The following PRDM16 variants were observed in gnomAD, a reference collection of about 807,000 sequenced individuals.
PRDM16 encodes the protein PR/SET domain 16, also known as histone-lysine N-methyltransferase PRDM16.
In PRDM16, 23 loss-of-function variants were observed where a neutral mutation model predicts 110.6. That is an observed-to-expected ratio of 0.21 (90% CI 0.15 to 0.29). The LOEUF is 0.29. Ranked by LOEUF, PRDM16 falls within the 10% of genes least tolerant of loss-of-function variation. PRDM16 has a pLI of 1.00. For synonymous variants in PRDM16, 799 were observed against 781.8 expected (o/e 1.02, Z -0.37); for missense variants, 1,615 against 1,794.3 (o/e 0.90, Z 1.81).
intron 6 of PRDM16, 135 bp downstream of exon 6, chr1:3,403,133 G>T: frequency 1.2e-6 from 1 of 828,958 alleles, no homozygotes; most frequent in Non-Finnish European, 2.0e-6. Context: ...TAGACAAAGG[G>T]CCCCCTGGTG....
intron 3 of PRDM16, among the ~76,000 whole-genome samples, chr1:3,277,988 C>A (rs562978236): frequency 6.6e-6 from 1 of 152,338 alleles, no homozygotes; most frequent in Non-Finnish European, 1.5e-5. Flanking sequence ...TCATTGCTAG[C>A]AGGCCATGGG....
chr1:3,078,086 T>A (rs1281981593), intron 1 of PRDM16, among the ~76,000 whole-genome samples: 1 of 152,160 alleles, frequency 6.6e-6, no homozygotes, highest in East Asian at 1.9e-4. Flanking sequence ...CGTGCCACTT[T>A]TTTTCTTATC....
chr1:3,381,161 C>T (rs557310014), intron 3 of PRDM16, among the ~76,000 whole-genome samples: 11 of 152,324 alleles, frequency 7.2e-5, no homozygotes, highest in East Asian at 1.9e-4. Context: ...CATACATGAA[C>T]GCACACACAT....
At chr1:3,426,315 C>T in intron 14 of PRDM16, 90 bp downstream of exon 14, 2 of 1,099,860 alleles carry the variant, frequency 1.8e-6, no homozygotes, top group Non-Finnish European at 2.7e-6. Flanking sequence ...TCCACCCCAG[C>T]ACCAGCCCCT....
chr1:3,267,350 G>A (rs1640319146), intron 3 of PRDM16, among the ~76,000 whole-genome samples: 1 of 152,180 alleles, frequency 6.6e-6, no homozygotes, highest in Admixed American at 6.5e-5. Flanking sequence ...GGAGCTCTGT[G>A]CCTTTTTCTG....
At chr1:3,204,476 C>T (rs1638706970) in intron 2 of PRDM16, among the ~76,000 whole-genome samples, 1 of 152,254 alleles carries the variant, frequency 6.6e-6, no homozygotes, top group Non-Finnish European at 1.5e-5. Context: ...CACACACCCT[C>T]CTGGAAGAGC....
At chr1:3,273,846 G>A (rs1471633171) in intron 3 of PRDM16, among the ~76,000 whole-genome samples, 2 of 149,628 alleles carry the variant, frequency 1.3e-5, no homozygotes, top group South Asian at 4.2e-4. Flanking sequence ...GTGTGTGTGT[G>A]TGTGTATGGG....
At position 3,435,375 on chromosome 1, in the gene PRDM16, T is replaced by G. The variant is rs1025404004; in HGVS notation, c.*1564T>G. The G allele has an allele frequency of 8.7e-6, 2 of 231,098 alleles. No individual in the cohort carries two copies. The highest frequency in any genetic ancestry group is 1.1e-4 in the Admixed American group (2 of 17,712). 14.3% of individuals were successfully genotyped at this position (231,098 alleles called of 1,614,324 possible). A position where few individuals can be genotyped will look rare whatever the true frequency, so the allele number is the denominator to read the frequency against. On this transcript the variant is annotated 3_prime_UTR_variant, in exon 17 of 17. Coordinates refer to ENST00000270722, the MANE Select transcript of PRDM16 (RefSeq NM_022114.4). ...CCGTGTGATAAGGTTGTGTGTCGTG[T>G]GGGAGTGGGGCGATTTTTTATGTGC...
chr1:3,389,750 G>A (rs182081761), intron 4 of PRDM16, among the ~76,000 whole-genome samples: 6 of 152,372 alleles, frequency 3.9e-5, no homozygotes, highest in African/African-American at 1.4e-4. Context: ...GGGAGCTGCT[G>A]GGAGCAAAAC....
intron 3 of PRDM16, among the ~76,000 whole-genome samples, chr1:3,281,034 G>T (rs1640701772): frequency 6.6e-6 from 1 of 152,244 alleles, no homozygotes; most frequent in Admixed American, 6.5e-5. Context: ...TTCCCTGGGT[G>T]GTTGTTCAAC....
At chr1:3,295,735 G>T (rs139727423) in intron 3 of PRDM16, among the ~76,000 whole-genome samples, 2 of 152,250 alleles carry the variant, frequency 1.3e-5, no homozygotes, top group African/African-American at 2.4e-5. Flanking sequence ...CTGGGCGATG[G>T]GCTCTTTTTT....
At chr1:3,314,071 C>CGGGGGCG (rs1553161919) in intron 3 of PRDM16, among the ~76,000 whole-genome samples, 1 of 100,656 alleles carries the variant, frequency 9.9e-6, no homozygotes, top group Non-Finnish European at 1.9e-5. Context: ...CCTTCCCCAC[C>CGGGGGCG]GGGGGGGGGG....
At chr1:3,248,416 C>A (rs972989793) in intron 3 of PRDM16, among the ~76,000 whole-genome samples, 1 of 152,122 alleles carries the variant, frequency 6.6e-6, no homozygotes, top group African/African-American at 2.4e-5. Flanking sequence ...TTTTTATTTT[C>A]TCTTCCCCTC....
At position 3,405,419 on chromosome 1, in the gene PRDM16, G is replaced by A. The variant is rs2493305; in HGVS notation, c.1033-76G>A. 0.056 allele frequency: 81,222 copies of A among 1,450,974 alleles called. 2,676 individuals are homozygous for A. Among genetic ancestry groups the A allele is most frequent in the African/African-American group, 0.11 (7,402 of 68,814 alleles). 89.9% of individuals were successfully genotyped at this position (1,450,974 alleles called of 1,614,324 possible). A position where few individuals can be genotyped will look rare whatever the true frequency, so the allele number is the denominator to read the frequency against. ...AGGCAGGGCCCTGCCCCCCACAGCC[G>A]GTTGGTCCGCCAGCCAGAACCAGGC... is the stretch of plus-strand genomic sequence containing the variant. On this transcript the variant is annotated intron_variant, in intron 7 of 16. Transcript: ENST00000270722.
rs527588760 is a variant in PRDM16, at chr1:3,092,904, A to G, written c.37+23608A>G. 1.6e-3 allele frequency among the ~76,000 whole-genome samples: 238 copies of G among 152,258 alleles called. 7 individuals are homozygous for G. Among genetic ancestry groups the G allele is most frequent in the Admixed American group, 0.015 (232 of 15,304 alleles). ...TGTGGCCCCTTTCCACGACTTTGAC[A>G]TAGACAGAAGTGAGAGGCAGTCAGG... On this transcript the variant is annotated intron_variant, in intron 1 of 16. Coordinates refer to ENST00000270722, the MANE Select transcript of PRDM16 (RefSeq NM_022114.4).
chr1:3,128,871 A>G (rs770708507), intron 1 of PRDM16, among the ~76,000 whole-genome samples: 1 of 152,138 alleles, frequency 6.6e-6, no homozygotes, highest in Non-Finnish European at 1.5e-5. Flanking sequence ...CCTCACTAAC[A>G]CCAGTCCTGG....
chr1:3,131,614 T>C (rs1216752892), intron 1 of PRDM16, among the ~76,000 whole-genome samples: 1 of 152,238 alleles, frequency 6.6e-6, no homozygotes, highest in East Asian at 1.9e-4. Flanking sequence ...ATGACAGTTC[T>C]AGCAACCATG....
rs1033076646 is a variant in PRDM16 at position 3,201,653 on chromosome 1, T to C, written c.387+15179T>C. Among the ~76,000 whole-genome samples the C allele has an allele frequency of 3.9e-5, 6 of 152,196 alleles. No homozygotes were observed. Among genetic ancestry groups the C allele is most frequent in the Non-Finnish European group, 8.8e-5 (6 of 68,024 alleles). On this transcript the variant is annotated intron_variant, in intron 2 of 16. Transcript: ENST00000270722. The surrounding 1 kb of genome is among the most constrained non-coding windows in gnomAD (Gnocchi z 4.1). Reference sequence around the variant, plus strand: ...GCTCTGACGTTTCTCCAGTGACCCCTGGCAGGTCGGGGACCCCAGCCACTT... The same window carrying C: ...GCTCTGACGTTTCTCCAGTGACCCCCGGCAGGTCGGGGACCCCAGCCACTT...
chr1:3,334,685 C>T (rs1035050812), intron 3 of PRDM16, among the ~76,000 whole-genome samples: 2 of 152,210 alleles, frequency 1.3e-5, no homozygotes, highest in African/African-American at 4.8e-5. Flanking sequence ...ACAAAGCCAC[C>T]ACTGTGGCCT....
Sources: allele counts gnomAD v4.1 joint callset (sites outside exome capture counted in the v4.1 genomes callset), GRCh38; gene constraint gnomAD v4.1.1; non-coding constraint Gnocchi (gnomAD v3.1); transcripts MANE v1.5; gene names NCBI Gene and HGNC (gene_info 2026-07-23, HGNC 2026-07-21).